Variants in PTPRZ1 observed in about 807,000 individuals in gnomAD.
PTPRZ1 encodes the protein receptor-type tyrosine-protein phosphatase zeta.
In PTPRZ1, 82 loss-of-function variants were observed where a neutral mutation model predicts 214.1. The observed-to-expected ratio is 0.38, with a 90% CI of 0.32 to 0.46. PTPRZ1 has a LOEUF of 0.46. Ranked by LOEUF, PTPRZ1 falls within the 20% of genes least tolerant of loss-of-function variation. PTPRZ1 has a pLI of 1.00. For synonymous variants in PTPRZ1, 945 were observed against 987.9 expected, an observed-to-expected ratio of 0.96 and a Z score of 0.81; for missense variants, 2,603 against 2,748.7, an observed-to-expected ratio of 0.95 and a Z score of 1.19.
intron 1 of PTPRZ1, among the ~76,000 whole-genome samples, chr7:121,909,426 T>C (rs929659971): frequency 6.6e-5 from 10 of 152,148 alleles, no homozygotes; most frequent in African/African-American, 2.4e-4. Flanking sequence ...AAGTGGAAAT[T>C]CTATATTACT....
At chr7:121,935,777 C>T (rs1796070545) in intron 2 of PTPRZ1, among the ~76,000 whole-genome samples, 1 of 152,138 alleles carries the variant, frequency 6.6e-6, no homozygotes. Context: ...ACCGTGTTAG[C>T]CAGGATGGTC....
chr7:121,975,727 A>C (rs908860469), intron 4 of PTPRZ1, among the ~76,000 whole-genome samples: 5 of 152,184 alleles, frequency 3.3e-5, no homozygotes, highest in Non-Finnish European at 5.9e-5. Flanking sequence ...GAGAATCAAA[A>C]TATGAAACTT....
At chr7:122,060,599 A>T (rs1192584456) in intron 29 of PTPRZ1, among the ~76,000 whole-genome samples, 1 of 152,180 alleles carries the variant, frequency 6.6e-6, no homozygotes, top group Non-Finnish European at 1.5e-5. Context: ...ATAGAATGTG[A>T]AATTCTTCTT....
chr7:121,981,097 A>C lies in PTPRZ1; in HGVS notation c.620-2568A>C, dbSNP rs1219558496. Among the ~76,000 whole-genome samples the C allele has an allele frequency of 3.3e-5, 5 of 151,534 alleles. 1 individual carries two copies. The highest frequency in any genetic ancestry group is 2.6e-4 in the Admixed American group (4 of 15,190). ...GGCGGAGCCTGCAGTGAGCCGAGAT[A>C]GCGCCACTGCACTCCAGCCTGGGCG... On this transcript the variant is annotated intron_variant, in intron 6 of 29. Transcript: ENST00000393386.
At chr7:121,899,106 G>A (rs1794887059) in intron 1 of PTPRZ1, among the ~76,000 whole-genome samples, 1 of 152,242 alleles carries the variant, frequency 6.6e-6, no homozygotes, top group East Asian at 1.9e-4. Flanking sequence ...TCCCAGGACA[G>A]TAAACATTTT....
chr7:122,031,476 G>A lies in PTPRZ1; in HGVS notation c.5083G>A (p.Asp1695Asn), dbSNP rs781142072. Residue 1695 changes from aspartate to asparagine, a missense_variant and splice_region_variant, in exon 15 of 30, where the codon GAT becomes AAT. Asp to Asn is a conservative substitution (Grantham distance 23). This residue lies in a region of PTPRZ1 where 1,913 missense variants were observed against 1,914.3 expected (regional missense o/e 1.00). Transcript: ENST00000393386. ...PPTPIFPISD[D>N]VGAIPIKHFP... is the part of the protein sequence containing the mutation. ...ACACAATTTTTTTATTCACGTAGAT[G>A]ATGTCGGAGCAATTCCAATAAAGCA... is the stretch of plus-strand genomic sequence containing the variant. 1 of 1,609,518 alleles carries A rather than the reference G, an allele frequency of 6.2e-7. No individual in the cohort carries two copies. The highest frequency in any genetic ancestry group is 8.5e-7 in the Non-Finnish European group (1 of 1,176,986).
In PTPRZ1 at chr7:122,010,671, C is replaced by G; in HGVS notation, c.1625C>G (p.Ser542Cys). ...ACTTCAGCCTCTTTAAATGATGGCT[C>G]TAAAACTGTTCTTAGATCTCCACAT... is the stretch of plus-strand genomic sequence containing the variant. The part of the protein sequence containing the change: ...EGTSASLNDG[S>C]KTVLRSPHMN... The change falls in exon 12 of 30, where the codon TCT becomes TGT. Residue 542 changes from serine to cysteine, a missense_variant. Transcript: ENST00000393386. The G allele has an allele frequency of 6.2e-7, 1 of 1,613,800 alleles. No individual in the cohort carries two copies. The highest frequency in any genetic ancestry group is 8.5e-7 in the Non-Finnish European group (1 of 1,179,754).
At chr7:121,948,402 G>A (rs1293725701) in intron 2 of PTPRZ1, among the ~76,000 whole-genome samples, 1 of 152,144 alleles carries the variant, frequency 6.6e-6, no homozygotes, top group Non-Finnish European at 1.5e-5. Flanking sequence ...GATCTCTTGA[G>A]CCCAGTAGTT....
At chr7:121,938,275 A>G (rs1251621163) in intron 2 of PTPRZ1, among the ~76,000 whole-genome samples, 1 of 152,226 alleles carries the variant, frequency 6.6e-6, no homozygotes, top group African/African-American at 2.4e-5. Flanking sequence ...GAAGATAGGA[A>G]GAAATCTCAC....
chr7:122,033,398 A>G (rs1281495800), intron 15 of PTPRZ1, among the ~76,000 whole-genome samples: 3 of 151,572 alleles, frequency 2.0e-5, no homozygotes, highest in Non-Finnish European at 2.9e-5. Flanking sequence ...ATTATATAAT[A>G]CTAAATAATT....
chr7:121,899,227 C>T (rs1794889700), intron 1 of PTPRZ1, among the ~76,000 whole-genome samples: 2 of 151,980 alleles, frequency 1.3e-5, no homozygotes, highest in South Asian at 4.1e-4. Flanking sequence ...TGGCAAATTC[C>T]ACTAGGCATT....
chr7:122,054,167 C>A, intron 26 of PTPRZ1, 129 bp downstream of exon 26: 1 of 993,726 alleles, frequency 1.0e-6, no homozygotes, highest in Non-Finnish European at 1.5e-6. Context: ...TCATTGAAGG[C>A]ATACTCTTCT....
At chr7:122,051,334 GGTGT>G (rs112292518) in intron 23 of PTPRZ1, 90 bp from the exon 24 acceptor site, 20 of 682,066 alleles carry the variant, frequency 2.9e-5, no homozygotes, top group South Asian at 1.0e-4. Context: ...TATCTTGATT[GGTGT>G]GTGTGTGTGT....
At chr7:122,034,430 G>T (rs555596894) in intron 17 of PTPRZ1, 52 bp downstream of exon 17, 6 of 1,558,936 alleles carry the variant, frequency 3.8e-6, no homozygotes, top group Non-Finnish European at 4.4e-6. Context: ...CCATTTTGGT[G>T]CCTTTTAAAA....
intron 2 of PTPRZ1, among the ~76,000 whole-genome samples, chr7:121,964,427 A>C (rs1022950659): frequency 3.3e-5 from 5 of 152,112 alleles, no homozygotes; most frequent in African/African-American, 9.7e-5. Context: ...AAACCAGAAG[A>C]TCTCATGAGA....
intron 2 of PTPRZ1, among the ~76,000 whole-genome samples, chr7:121,940,465 G>T (rs60700889): frequency 0.066 from 10,041 of 152,088 alleles, 599 homozygotes; most frequent in African/African-American, 0.16. Flanking sequence ...TCTTTTGTTA[G>T]TTTGTCTGAT....
At chr7:122,052,586 G>C (rs536850851) in intron 25 of PTPRZ1, among the ~76,000 whole-genome samples, 51 of 152,310 alleles carry the variant, frequency 3.3e-4, no homozygotes, top group Admixed American at 1.6e-3. Context: ...ACACAGGGAT[G>C]TGTGGTAGTG....
chr7:121,905,002 A>G (rs1425126682), intron 1 of PTPRZ1, among the ~76,000 whole-genome samples: 2 of 152,220 alleles, frequency 1.3e-5, no homozygotes, highest in African/African-American at 2.4e-5. Flanking sequence ...AAAGTTGTTT[A>G]GTTAAAGATA....
At chr7:121,987,695 T>C (rs1797799981) in intron 8 of PTPRZ1, among the ~76,000 whole-genome samples, 1 of 152,230 alleles carries the variant, frequency 6.6e-6, no homozygotes, top group African/African-American at 2.4e-5. Context: ...TCTTAGCAGT[T>C]GTATGCCTTC....
Sources: allele counts gnomAD v4.1 joint callset (sites outside exome capture counted in the v4.1 genomes callset), GRCh38; gene constraint gnomAD v4.1.1; regional missense constraint gnomAD v4.1.1; transcripts MANE v1.5; gene names NCBI Gene and HGNC (gene_info 2026-07-23, HGNC 2026-07-21).